The following CPZ variants were observed in gnomAD, a reference collection of about 807,000 sequenced individuals.
CPZ encodes the protein VEZT/CPZ fusion.
In CPZ, 103 loss-of-function variants were observed where a neutral mutation model predicts 61.8. That is an observed-to-expected ratio of 1.67 (90% confidence interval 1.42 to 1.96). The LOEUF (loss-of-function observed/expected upper bound fraction) is 1.96, where lower values mean the gene tolerates loss of function less well. CPZ is among the 30% of genes most tolerant of loss of function. The probability of loss-of-function intolerance (pLI) is 0.00; values close to 1 mark genes in which losing one functional copy is unlikely to be tolerated. For missense variants in CPZ, 1,461 were observed against 914.9 expected, an observed-to-expected ratio of 1.60 and a Z score of -7.70; for synonymous variants, 551 against 373.7, an observed-to-expected ratio of 1.47 and a Z score of -5.47.
At chr4:8,607,182 C>T (rs576914971) in intron 6 of CPZ, 85 bp from the exon 7 acceptor site, 4 of 1,474,518 alleles carry the variant, frequency 2.7e-6, no homozygotes, top group East Asian at 2.3e-5. Context: ...ACCATTGGAG[C>T]CCAGAGGGCT....
At chr4:8,604,272 G>A (rs1314377036) in intron 4 of CPZ, 84 bp downstream of exon 4, 29 of 1,315,294 alleles carry the variant, frequency 2.2e-5, no homozygotes, top group Non-Finnish European at 2.9e-5. Flanking sequence ...CAAGTTGGTG[G>A]GGTGTTTGGG....
intron 3 of CPZ, 161 bp downstream of exon 3, chr4:8,601,658 A>G: frequency 2.5e-6 from 2 of 794,856 alleles, no homozygotes; most frequent in African/African-American, 1.8e-5. Context: ...GTTCCCCACA[A>G]AAGGGTGCCA....
At chr4:8,605,634 T>TCCATCCATCCATCCATCCATTCACCC (rs1553876826) in intron 4 of CPZ, among the ~76,000 whole-genome samples, 9 of 148,568 alleles carry the variant, frequency 6.1e-5, no homozygotes, top group African/African-American at 2.3e-4. Context: ...ATCATTGATA[T>TCCATCCATCCATCCATCCATTCACCC]ATCCATTCAT....
intron 4 of CPZ, among the ~76,000 whole-genome samples, chr4:8,604,670 C>T (rs28570239): frequency 0.025 from 3,871 of 152,222 alleles, 188 homozygotes; most frequent in African/African-American, 0.089. Flanking sequence ...TTAGTAGAGA[C>T]AGGGGTTTCA....
intron 1 of CPZ, among the ~76,000 whole-genome samples, chr4:8,593,557 C>G (rs1031784207): frequency 4.6e-5 from 7 of 152,186 alleles, no homozygotes; most frequent in Non-Finnish European, 8.8e-5. Context: ...ATCCTGGGCT[C>G]CCGTCTGGCC....
At chr4:8,605,927 C>T in intron 4 of CPZ, 62 bp from the exon 5 acceptor site, 5 of 1,541,544 alleles carry the variant, frequency 3.2e-6, no homozygotes, top group Non-Finnish European at 3.6e-6. Context: ...GTGGGGGGGC[C>T]TCATGCCTTT....
rs1313324675 is a variant in CPZ at position 8,609,202 on chromosome 4, A to ATTCACTTACTCATTCACTCACTCC, written c.1227+1777_1227+1778insTTCACTTACTCATTCACTCACTCC. Among the ~76,000 whole-genome samples the ATTCACTTACTCATTCACTCACTCC allele has an allele frequency of 1.9e-3, 183 of 95,482 alleles. 2 individuals are homozygous for ATTCACTTACTCATTCACTCACTCC. The highest frequency in any genetic ancestry group is 5.1e-3 in the East Asian group (14 of 2,764). 62.6% of individuals were successfully genotyped at this position (95,482 alleles called of 152,430 possible). ...CACTCAGGCATTCACTCACTCCCTC[A>ATTCACTTACTCATTCACTCACTCC]CTCACTTACTCATTCACTTACTCAC... On this transcript the variant is annotated intron_variant, in intron 7 of 10. Coordinates refer to ENST00000360986, the MANE Select transcript of CPZ (RefSeq NM_001014447.3).
chr4:8,608,247 T>G (rs1373529199), intron 7 of CPZ, among the ~76,000 whole-genome samples: 1 of 151,762 alleles, frequency 6.6e-6, no homozygotes, highest in Non-Finnish European at 1.5e-5. Flanking sequence ...CCTGGCCCCT[T>G]GATGGCCCAG....
At chr4:8,600,447 G>A (rs114875438) in intron 2 of CPZ, among the ~76,000 whole-genome samples, 4,475 of 152,298 alleles carry the variant, frequency 0.029, 68 homozygotes, top group African/African-American at 0.044. Flanking sequence ...TGGAGCCAGC[G>A]GCTGCGGGGA....
rs763055068 is a variant in CPZ, at chr4:8,619,406, C to G, written c.1748C>G (p.Pro583Arg). The stretch of plus-strand genomic sequence containing the variant: ...GGCCGTGTGGACTTCATTCTGCAAC[C>G]TCTGGGGATGGGACCCAAGAACTTT... ...RAGRVDFILQ[P>R]LGMGPKNFIH... Residue 583 changes from proline to arginine, a missense_variant, in exon 11 of 11, where the codon CCT becomes CGT. Coordinates refer to ENST00000360986, the MANE Select transcript of CPZ (RefSeq NM_001014447.3). 1.2e-6 allele frequency: 2 copies of G among 1,614,194 alleles called. No homozygotes were observed. The highest frequency in any genetic ancestry group is 1.7e-6 in the Non-Finnish European group (2 of 1,180,020).
At chr4:8,605,091 A>T (rs1007530412) in intron 4 of CPZ, among the ~76,000 whole-genome samples, 7 of 152,246 alleles carry the variant, frequency 4.6e-5, no homozygotes, top group African/African-American at 1.2e-4. Flanking sequence ...GGAGGTAACC[A>T]GCGCAGAAAG....
intron 8 of CPZ, among the ~76,000 whole-genome samples, chr4:8,613,141 T>TA (rs1190503248): frequency 4.7e-4 from 71 of 150,926 alleles, no homozygotes; most frequent in African/African-American, 1.6e-3. Flanking sequence ...TCCTTTTTTT[T>TA]TTTTTTTTTG....
chr4:8,606,321 T>C, intron 5 of CPZ, 136 bp downstream of exon 5: 1 of 864,042 alleles, frequency 1.2e-6, no homozygotes, highest in Non-Finnish European at 1.7e-6. Flanking sequence ...GTGTCGATAC[T>C]GGCAAACCCC....
At chr4:8,599,186 C>T (rs1394317491) in intron 1 of CPZ, among the ~76,000 whole-genome samples, 1 of 152,244 alleles carries the variant, frequency 6.6e-6, no homozygotes, top group Non-Finnish European at 1.5e-5. Context: ...CCCCGGGCTT[C>T]GAGCCAGATG....
rs1336004244 is a variant in CPZ at position 8,606,727 on chromosome 4, A to G, written c.907-10A>G. On this transcript the variant is annotated splice_polypyrimidine_tract_variant and intron_variant, in intron 5 of 10. Transcript: ENST00000360986. ...GACCCCACCCAGTCGGGGGTTGGCCATGTTTTCAGGGTGCCGGCTACAACG... is the reference window on the plus strand; with the variant it reads ...GACCCCACCCAGTCGGGGGTTGGCCGTGTTTTCAGGGTGCCGGCTACAACG... 6.2e-7 allele frequency: 1 copy of G among 1,613,970 alleles called. No homozygotes were observed. Among genetic ancestry groups the G allele is most frequent in the Non-Finnish European group, 8.5e-7 (1 of 1,180,018 alleles).
chr4:8,608,043 C>T lies in CPZ; in HGVS notation c.1227+618C>T, dbSNP rs868866166. 2.2e-4 allele frequency among the ~76,000 whole-genome samples: 33 copies of T among 150,402 alleles called. 1 individual carries two copies. Among genetic ancestry groups the T allele is most frequent in the African/African-American group, 6.5e-4 (27 of 41,326 alleles). On this transcript the variant is annotated intron_variant, in intron 7 of 10. Coordinates refer to ENST00000360986, the MANE Select transcript of CPZ (RefSeq NM_001014447.3). ...CCCACCCTAACCTTAGGACGACCTG[C>T]TGGGGGAGGGCGCGGAGTTGGTCCG...
At chr4:8,606,208 C>T (rs763463427) in intron 5 of CPZ, 23 bp downstream of exon 5, 2 of 1,602,844 alleles carry the variant, frequency 1.2e-6, no homozygotes, top group Non-Finnish European at 1.7e-6. Flanking sequence ...ATGCCTGGAT[C>T]CTGTGGGCCA....
chr4:8,616,010 G>T (rs1346521690), intron 9 of CPZ, among the ~76,000 whole-genome samples: 4 of 152,180 alleles, frequency 2.6e-5, no homozygotes, highest in Non-Finnish European at 4.4e-5. Context: ...ATTGCATTTT[G>T]CGGCTGTCTG....
Position 8,606,738 on chromosome 4 carries a change from G to C in CPZ, c.908G>C (p.Gly303Ala). Reference protein sequence around the residue: ...PDGYEVAAAEGAGYNGWTSGR... With the variant: ...PDGYEVAAAEAAGYNGWTSGR... ...GTCGGGGGTTGGCCATGTTTTCAGG[G>C]TGCCGGCTACAACGGGTGGACGAGC... Residue 303 changes from glycine to alanine, a missense_variant and splice_region_variant, in exon 6 of 11, where the codon GGT (glycine) becomes GCT (alanine). Gly to Ala is a moderately conservative substitution (Grantham distance 60). Transcript: ENST00000360986. The C allele has an allele frequency of 1.2e-6, 2 of 1,614,140 alleles. No individual in the cohort carries two copies. Among genetic ancestry groups the C allele is most frequent in the Non-Finnish European group, 1.7e-6 (2 of 1,180,014 alleles).
Sources: allele counts gnomAD v4.1 joint callset (sites outside exome capture counted in the v4.1 genomes callset), GRCh38; gene constraint gnomAD v4.1.1; transcripts MANE v1.5; gene names NCBI Gene and HGNC (gene_info 2026-07-23, HGNC 2026-07-21).